The following DAPP1 variants were observed in gnomAD, a reference collection of about 807,000 sequenced individuals.
The protein encoded by DAPP1 is dual adaptor of phosphotyrosine and 3-phosphoinositides 1, also known as dual adapter for phosphotyrosine and 3-phosphotyrosine and 3-phosphoinositide.
Under a neutral mutation model 41.5 loss-of-function variants are expected in DAPP1, and 20 were observed. The ratio of observed to expected loss-of-function variants is 0.48; its 90% CI spans 0.34 to 0.70. DAPP1 has a LOEUF of 0.70. DAPP1 is among the 30% of genes least tolerant of loss of function. The pLI, the probability that DAPP1 is intolerant of heterozygous loss-of-function variation, is 0.01. For synonymous variants in DAPP1, 113 were observed against 116.2 expected (o/e 0.97, Z 0.18); for missense variants, 233 against 333.4 (o/e 0.70, Z 2.35).
chr4:99,840,499 G>A (rs1355247889), intron 3 of DAPP1, 77 bp downstream of exon 3: 2 of 1,449,996 alleles, frequency 1.4e-6, no homozygotes, highest in Non-Finnish European at 1.9e-6. Flanking sequence ...TTCAATTTAA[G>A]AATGTCATTG....
intron 3 of DAPP1, among the ~76,000 whole-genome samples, chr4:99,846,862 GT>G (rs1723681620): frequency 6.6e-6 from 1 of 152,178 alleles, no homozygotes; most frequent in Non-Finnish European, 1.5e-5. Context: ...CCCTTCACAT[GT>G]AAATGAACAA....
intron 2 of DAPP1, among the ~76,000 whole-genome samples, chr4:99,837,712 T>C (rs57001633): frequency 0.053 from 8,046 of 152,232 alleles, 422 homozygotes; most frequent in East Asian, 0.24. Context: ...CAGATGGTTT[T>C]GGGATGATTC....
chr4:99,853,873 A>G (rs969643015), intron 4 of DAPP1, among the ~76,000 whole-genome samples: 1 of 152,220 alleles, frequency 6.6e-6, no homozygotes, highest in African/African-American at 2.4e-5. Context: ...TACTTCGAAA[A>G]TGGAACTTAA....
intron 2 of DAPP1, among the ~76,000 whole-genome samples, chr4:99,839,236 G>A (rs1003275824): frequency 2.0e-5 from 3 of 151,918 alleles, no homozygotes; most frequent in Admixed American, 6.6e-5. Context: ...GTTCTCACAA[G>A]CCCATCAGAT....
intron 2 of DAPP1, among the ~76,000 whole-genome samples, chr4:99,839,095 G>T (rs944798583): frequency 2.0e-5 from 3 of 152,154 alleles, no homozygotes; most frequent in Non-Finnish European, 2.9e-5. Context: ...TAGGGCAGCT[G>T]TTCTAAAGGT....
intron 1 of DAPP1, among the ~76,000 whole-genome samples, chr4:99,834,407 C>A (rs1723225212): frequency 6.6e-6 from 1 of 151,112 alleles, no homozygotes; most frequent in African/African-American, 2.4e-5. Flanking sequence ...TTTTTTTTAC[C>A]ATAGATATAT....
Position 99,868,329 on chromosome 4 carries a change from T to C in DAPP1, c.*144T>C, listed in dbSNP as rs1156630434. ...AGAAGCAGATGCTGATTGGGACCCATATACCACGTTGCTGACTCACGTTGC... is the reference window on the plus strand; with the variant it reads ...AGAAGCAGATGCTGATTGGGACCCACATACCACGTTGCTGACTCACGTTGC... On this transcript the variant is annotated 3_prime_UTR_variant, in exon 9 of 9. Transcript: ENST00000512369. 7.1e-6 allele frequency: 5 copies of C among 706,888 alleles called. No individual in the cohort carries two copies. Among genetic ancestry groups the C allele is most frequent in the Non-Finnish European group, 9.6e-6 (4 of 414,932 alleles). 43.8% of individuals were successfully genotyped at this position (706,888 alleles called of 1,614,324 possible).
At chr4:99,841,518 C>A (rs1430380419) in intron 3 of DAPP1, among the ~76,000 whole-genome samples, 1 of 152,198 alleles carries the variant, frequency 6.6e-6, no homozygotes, top group African/African-American at 2.4e-5. Context: ...CTGAAAATTA[C>A]TTCACCATTT....
At chr4:99,843,067 T>A (rs1185063456) in intron 3 of DAPP1, among the ~76,000 whole-genome samples, 3 of 152,158 alleles carry the variant, frequency 2.0e-5, no homozygotes, top group Non-Finnish European at 4.4e-5. Flanking sequence ...ATTACCAGAA[T>A]GACAAGGACT....
chr4:99,853,324 T>C lies in DAPP1; in HGVS notation c.465T>C (p.Asp155=), dbSNP rs1418364486. The C allele has an allele frequency of 6.8e-6, 11 of 1,610,584 alleles. No homozygotes were observed. Among genetic ancestry groups the C allele is most frequent in the Non-Finnish European group, 9.3e-6 (11 of 1,178,244 alleles). Residue 155 remains aspartate, a synonymous_variant, in exon 4 of 9, where the codon GAT becomes GAC. Coordinates refer to ENST00000512369, the MANE Select transcript of DAPP1 (RefSeq NM_014395.3). ...HTAMQTGRTE[D]DLVPTAPSLG... ...CAATGCAGACAGGAAGAACAGAAGA[T>C]GACCTTGTGCCCACAGCACCTTCTG...
chr4:99,862,173 T>TTTTAAGAG (rs1247023605), intron 5 of DAPP1, among the ~76,000 whole-genome samples: 2 of 152,164 alleles, frequency 1.3e-5, no homozygotes, highest in African/African-American at 4.8e-5. Context: ...CTCCTTCTCG[T>TTTTAAGAG]TTTAAGAGTC....
chr4:99,834,918 C>T lies in DAPP1; in HGVS notation c.102-705C>T, dbSNP rs187403486. Among the ~76,000 whole-genome samples the T allele has an allele frequency of 8.1e-4, 123 of 152,190 alleles. 1 individual carries two copies. The South Asian group carries it at 0.011, about 13-fold the overall frequency. ...CTTGGAAGTGACTGTCATGTTCATG[C>T]GCTGTTCTCCCTGTAGGCAAATCTA... On this transcript the variant is annotated intron_variant, in intron 1 of 8. Coordinates refer to ENST00000512369, the MANE Select transcript of DAPP1 (RefSeq NM_014395.3).
intron 2 of DAPP1, among the ~76,000 whole-genome samples, chr4:99,837,261 G>A (rs533162720): frequency 1.3e-5 from 2 of 152,272 alleles, no homozygotes; most frequent in African/African-American, 4.8e-5. Flanking sequence ...ATGTAGACTA[G>A]TTTTTGATTG....
Position 99,866,137 on chromosome 4 carries a change from C to A in DAPP1, c.774+16C>A. Reference sequence around the variant, plus strand: ...CTGGAAATTGGTGAGAATTTTTAAGCCTTCAGATGTCAAGTCTTGAGAAAT... The same window carrying A: ...CTGGAAATTGGTGAGAATTTTTAAGACTTCAGATGTCAAGTCTTGAGAAAT... On this transcript the variant is annotated intron_variant, in intron 8 of 8. Transcript: ENST00000512369. The A allele has an allele frequency of 2.1e-6, 3 of 1,403,426 alleles. No individual in the cohort carries two copies. Among genetic ancestry groups the A allele is most frequent in the South Asian group, 1.2e-5 (1 of 85,538 alleles). The allele number at this position is 1,403,426 out of a possible 1,614,324, so 86.9% of individuals were successfully genotyped here. A position where few individuals can be genotyped will look rare whatever the true frequency, so the allele number is the denominator to read the frequency against.
At chr4:99,825,842 G>T (rs946991733) in intron 1 of DAPP1, among the ~76,000 whole-genome samples, 5 of 152,162 alleles carry the variant, frequency 3.3e-5, no homozygotes, top group African/African-American at 1.2e-4. Context: ...GACTTAATGG[G>T]CTTGTGTGGG....
intron 1 of DAPP1, among the ~76,000 whole-genome samples, chr4:99,820,984 A>G (rs981933458): frequency 1.1e-4 from 17 of 152,236 alleles, no homozygotes; most frequent in African/African-American, 2.7e-4. Flanking sequence ...CACGGAATAA[A>G]TGATAATAAA....
chr4:99,835,543 A>G (rs1251959754), intron 1 of DAPP1, 80 bp from the exon 2 acceptor site: 2 of 1,556,742 alleles, frequency 1.3e-6, no homozygotes, highest in African/African-American at 2.7e-5. Context: ...TTGCTAGGTA[A>G]TCTTTGCAAG....
chr4:99,867,879 C>G (rs1724514359), intron 8 of DAPP1, among the ~76,000 whole-genome samples: 1 of 151,908 alleles, frequency 6.6e-6, no homozygotes, highest in African/African-American at 2.4e-5. Context: ...AGTATTAGAC[C>G]AATTCCCAAT....
intron 3 of DAPP1, among the ~76,000 whole-genome samples, chr4:99,852,255 C>A (rs1370332250): frequency 1.3e-5 from 2 of 152,156 alleles, no homozygotes; most frequent in East Asian, 1.9e-4. Flanking sequence ...TTGCTGAATT[C>A]TTTACATCTC....
Sources: gnomAD v4.1 joint callset for allele counts (sites outside exome capture counted in the v4.1 genomes callset) on GRCh38, gnomAD v4.1.1 for gene constraint, MANE v1.5 for transcripts, NCBI Gene and HGNC (gene_info 2026-07-23, HGNC 2026-07-21) for gene names.